The following DPY19L4 variants were observed in gnomAD, a reference collection of about 807,000 sequenced individuals.
The protein encoded by DPY19L4 is dpy-19 like 4, also known as probable C-mannosyltransferase DPY19L4.
A neutral mutation model predicts 102.8 loss-of-function variants in DPY19L4; 97 were observed. That is an observed-to-expected ratio of 0.94 (90% CI 0.80 to 1.12). The LOEUF is 1.12. DPY19L4 is among the 50% of genes most tolerant of loss of function. The pLI is 0.00. For missense variants in DPY19L4, 815 were observed against 850.4 expected (o/e 0.96, Z 0.52); for synonymous variants, 252 against 283.1 (o/e 0.89, Z 1.10).
chr8:94,753,752 G>A (rs943808330), intron 6 of DPY19L4, among the ~76,000 whole-genome samples: 6 of 152,048 alleles, frequency 3.9e-5, no homozygotes, highest in Admixed American at 3.3e-4. Flanking sequence ...GGCACCTGTA[G>A]TCCCAGGTAC....
At position 94,792,796 on chromosome 8, in the gene DPY19L4, G is replaced by C. The variant is rs139466355; in HGVS notation, c.*2886G>C. The C allele has an allele frequency of 4.6e-5, 7 of 152,234 alleles. No individual in the cohort carries two copies. Among genetic ancestry groups the C allele is most frequent in the African/African-American group, 1.7e-4 (7 of 41,480 alleles). The allele number at this position is 152,234 out of a possible 1,614,324, so 9.4% of individuals were successfully genotyped here. On this transcript the variant is annotated 3_prime_UTR_variant, in exon 19 of 19. Coordinates refer to ENST00000414645, the MANE Select transcript of DPY19L4 (RefSeq NM_181787.3). ...CGTCAAGCGGCGAGGCGGAGCTTGC[G>C]GTGAGCCGAGATCATGCCGCTGCAC...
In DPY19L4 at chr8:94,734,760, A is replaced by G. The variant is rs775488830; in HGVS notation, c.252+6A>G. 1 of 1,613,400 alleles carries G rather than the reference A, an allele frequency of 6.2e-7. No individual in the cohort carries two copies. Among genetic ancestry groups the G allele is most frequent in the South Asian group, 1.1e-5 (1 of 90,816 alleles). On this transcript the variant is annotated splice_donor_region_variant and intron_variant, in intron 3 of 18. Coordinates refer to ENST00000414645, the MANE Select transcript of DPY19L4 (RefSeq NM_181787.3). ...TCTGGTTTTCCAACAGGCAGGTAAG[A>G]AGAAAGAATTTTGAGCATATGAAAG...
At chr8:94,781,215 T>A in intron 16 of DPY19L4, 49 bp downstream of exon 16, 1 of 1,368,108 alleles carries the variant, frequency 7.3e-7, no homozygotes, top group Non-Finnish European at 9.9e-7. Flanking sequence ...AATTAATCAC[T>A]GCATGCTATC....
intron 1 of DPY19L4, chr8:94,720,308 T>G (rs1586291295): frequency 1.6e-5 from 15 of 945,562 alleles, no homozygotes; most frequent in African/African-American, 1.8e-5. Flanking sequence ...AGAGGGAGGG[T>G]CCTGATCAGA....
intron 8 of DPY19L4, 31 bp from the exon 9 acceptor site, chr8:94,765,152 A>G (rs751018037): frequency 7.5e-7 from 1 of 1,341,878 alleles, no homozygotes. Flanking sequence ...AATATAACTT[A>G]TTCTCACTTA....
At position 94,783,717 on chromosome 8, in the gene DPY19L4, T is replaced by C. The variant is rs752057600; in HGVS notation, c.1763T>C (p.Met588Thr). 2 of 1,614,080 alleles carry C rather than the reference T, an allele frequency of 1.2e-6. No homozygotes were observed. The highest frequency in any genetic ancestry group is 1.1e-5 in the South Asian group (1 of 91,092). Residue 588 changes from methionine (M) to threonine (T), a missense_variant, in exon 17 of 19, where the codon ATG becomes ACG. Coordinates refer to ENST00000414645, the MANE Select transcript of DPY19L4 (RefSeq NM_181787.3). The stretch of plus-strand genomic sequence containing the variant: ...GTGTTTGCAGGGAGTCCACAGTTAA[T>C]GGGTGCGATTAAATTATGCACTGGA... ...AAVFAGSPQL[M>T]GAIKLCTGWM...
chr8:94,775,866 C>G (rs1471234306), intron 13 of DPY19L4, among the ~76,000 whole-genome samples: 1 of 151,588 alleles, frequency 6.6e-6, no homozygotes, highest in Non-Finnish European at 1.5e-5. Context: ...CTAAACTTTT[C>G]CTCTTCCATT....
At chr8:94,739,884 C>G in intron 6 of DPY19L4, 94 bp downstream of exon 6, 1 of 1,434,354 alleles carries the variant, frequency 7.0e-7, no homozygotes, top group East Asian at 2.3e-5. Flanking sequence ...AGTCCTCACT[C>G]TAATCCTCAG....
intron 8 of DPY19L4, among the ~76,000 whole-genome samples, chr8:94,764,689 G>GTGTGTGTGTGTGTGTA (rs1415377058): frequency 1.4e-4 from 6 of 43,208 alleles, no homozygotes; most frequent in South Asian, 1.8e-3. Flanking sequence ...GTCTGTGTGT[G>GTGTGTGTGTGTGTGTA]TATATATATA....
intron 6 of DPY19L4, among the ~76,000 whole-genome samples, chr8:94,746,176 T>A (rs1419842820): frequency 6.7e-6 from 1 of 149,556 alleles, no homozygotes; most frequent in African/African-American, 2.5e-5. Flanking sequence ...ATTCTCCTGC[T>A]TCAGCCTCCT....
intron 14 of DPY19L4, among the ~76,000 whole-genome samples, chr8:94,780,046 A>G (rs1351486730): frequency 2.0e-5 from 3 of 152,178 alleles, no homozygotes; most frequent in Non-Finnish European, 2.9e-5. Flanking sequence ...TCTGTATAAC[A>G]TAAATTTCTG....
chr8:94,750,040 C>T (rs1311220206), intron 6 of DPY19L4, among the ~76,000 whole-genome samples: 1 of 152,214 alleles, frequency 6.6e-6, no homozygotes, highest in Non-Finnish European at 1.5e-5. Context: ...ACTGCAACCT[C>T]TCCCTAGTGG....
At chr8:94,744,854 A>T (rs1811601782) in intron 6 of DPY19L4, 3 of 256,118 alleles carry the variant, frequency 1.2e-5, no homozygotes, top group Non-Finnish European at 2.3e-5. Context: ...GGTATATTCT[A>T]CTCAAATGTA....
intron 18 of DPY19L4, among the ~76,000 whole-genome samples, chr8:94,789,260 A>AT (rs1221307239): frequency 6.6e-6 from 1 of 152,086 alleles, no homozygotes; most frequent in Admixed American, 6.6e-5. Context: ...ATATTACTTA[A>AT]TTTTTTTTAT....
At position 94,765,792 on chromosome 8, in the gene DPY19L4, T is replaced by C. The variant is rs1586388144; in HGVS notation, c.1084T>C (p.Leu362=). ...FYLVCTLTIT[L]NIIMKMFVPH... ...CTTGGTGTGTACTCTGACAATAACA[T>C]TGAATATTATAATGAAGGTAAGTAA... Residue 362 remains leucine (L), a synonymous_variant, in exon 10 of 19, where the codon TTG becomes CTG. Coordinates refer to ENST00000414645, the MANE Select transcript of DPY19L4 (RefSeq NM_181787.3). 1.3e-6 allele frequency: 2 copies of C among 1,558,782 alleles called. No homozygotes were observed. The highest frequency in any genetic ancestry group is 2.3e-5 in the South Asian group (2 of 86,956).
chr8:94,782,337 T>C (rs1480274767), intron 16 of DPY19L4, among the ~76,000 whole-genome samples: 2 of 152,128 alleles, frequency 1.3e-5, no homozygotes, highest in Non-Finnish European at 2.9e-5. Context: ...AAGGTAGTTG[T>C]AGAATTCCCA....
intron 6 of DPY19L4, among the ~76,000 whole-genome samples, chr8:94,753,430 A>C (rs1812031262): frequency 6.6e-6 from 1 of 152,234 alleles, no homozygotes; most frequent in South Asian, 2.1e-4. Flanking sequence ...ATTGACAAGA[A>C]CAAAAATATT....
rs189915700 is a variant in DPY19L4, at chr8:94,746,866, G to A, written c.611+7076G>A. Among the ~76,000 whole-genome samples, 551 of 152,078 alleles carry A rather than the reference G, an allele frequency of 3.6e-3. 2 individuals carry two copies. Among genetic ancestry groups the A allele is most frequent in the Non-Finnish European group, 5.6e-3 (380 of 67,952 alleles). On this transcript the variant is annotated intron_variant, in intron 6 of 18. Coordinates refer to ENST00000414645, the MANE Select transcript of DPY19L4 (RefSeq NM_181787.3). ...TACCAGTGTAGCAACAGGTTCATTCGTTTCTTTTCTTGCTTTCTTTCTTTC... is the reference window on the plus strand; with the variant it reads ...TACCAGTGTAGCAACAGGTTCATTCATTTCTTTTCTTGCTTTCTTTCTTTC...
intron 4 of DPY19L4, 71 bp from the exon 5 acceptor site, chr8:94,739,342 A>G: frequency 6.9e-7 from 1 of 1,439,322 alleles, no homozygotes; most frequent in East Asian, 2.3e-5. Flanking sequence ...TTAAATATTT[A>G]AGGACTAATG....
Sources: allele counts gnomAD v4.1 joint callset (sites outside exome capture counted in the v4.1 genomes callset), GRCh38; gene constraint gnomAD v4.1.1; transcripts MANE v1.5; gene names NCBI Gene and HGNC (gene_info 2026-07-23, HGNC 2026-07-21).